The following CRYBG1 variants were observed in gnomAD, a reference collection of about 807,000 sequenced individuals.
The protein encoded by CRYBG1 is crystallin beta-gamma domain containing 1.
In CRYBG1, 139 loss-of-function variants were observed where a neutral mutation model predicts 189.2. The ratio of observed to expected loss-of-function variants is 0.73; its 90% confidence interval spans 0.64 to 0.85. The LOEUF is 0.85. Ranked by LOEUF, CRYBG1 falls within the 40% of genes least tolerant of loss-of-function variation. The pLI, the probability that CRYBG1 is intolerant of heterozygous loss-of-function variation, is 0.00. For missense variants in CRYBG1, 2,611 were observed against 2,675.8 expected (o/e 0.98, Z 0.53); for synonymous variants, 1,023 against 1,017.1 (o/e 1.01, Z -0.11).
intron 2 of CRYBG1, among the ~76,000 whole-genome samples, chr6:106,466,506 A>G (rs1319153745): frequency 6.6e-6 from 1 of 152,198 alleles, no homozygotes; most frequent in African/African-American, 2.4e-5. Context: ...TTCTTCTTTC[A>G]GCAAAAATGG....
chr6:106,551,025 G>A (rs1009615643), intron 13 of CRYBG1, among the ~76,000 whole-genome samples: 1 of 152,118 alleles, frequency 6.6e-6, no homozygotes, highest in African/African-American at 2.4e-5. Flanking sequence ...GGGTACATGT[G>A]CAGGTTTGTT....
Position 106,419,243 on chromosome 6 carries a change from G to T in CRYBG1, c.174-32451G>T, listed in dbSNP as rs560656613. On this transcript the variant is annotated intron_variant, in intron 1 of 21. Transcript: ENST00000633556. ...GGCTGCTCTTTGTTAGAAAAGAAAT[G>T]ATTTGGAGGCTGCTTTTCATTAAAA... 3.9e-5 allele frequency among the ~76,000 whole-genome samples: 6 copies of T among 152,330 alleles called. No homozygotes were observed. In the East Asian group the frequency reaches 9.6e-4, roughly 24 times the overall value.
intron 1 of CRYBG1, among the ~76,000 whole-genome samples, chr6:106,377,619 TTTTATA>T (rs772669532): frequency 0.27 from 32,845 of 122,212 alleles, 4,682 homozygotes; most frequent in Middle Eastern, 0.39. Context: ...AGTCCTAAGG[TTTTATA>T]TATATATATA....
At chr6:106,367,054 A>C (rs1772014483) in intron 1 of CRYBG1, among the ~76,000 whole-genome samples, 1 of 152,202 alleles carries the variant, frequency 6.6e-6, no homozygotes, top group South Asian at 2.1e-4. Flanking sequence ...CCAAGGCTAA[A>C]CTTTCTACTT....
Position 106,519,644 on chromosome 6 carries a change from C to T in CRYBG1, c.2436C>T (p.Leu812=), listed in dbSNP as rs1582813705. 6 of 1,614,012 alleles carry T rather than the reference C, an allele frequency of 3.7e-6. No individual in the cohort carries two copies. The East Asian group carries it at 1.1e-4, about 30-fold the overall frequency. Residue 812 remains leucine, a synonymous_variant, in exon 4 of 22, where the codon CTC becomes CTT. Transcript: ENST00000633556. ...SALIPVKDHK[L]LEKEDSEAAD... is the part of the protein sequence containing the mutation. ...TGATTCCTGTCAAGGATCATAAGCT[C>T]TTAGAGAAGGAGGACTCAGAGGCTG...
chr6:106,488,039 C>T (rs967116151), intron 2 of CRYBG1, among the ~76,000 whole-genome samples: 2 of 152,076 alleles, frequency 1.3e-5, no homozygotes, highest in African/African-American at 4.8e-5. Context: ...TGAGTAGACT[C>T]AGTAGTGTGG....
At position 106,512,197 on chromosome 6, in the gene CRYBG1, A is replaced by G. The variant is rs528778993; in HGVS notation, c.1080A>G (p.Ala360=). ...GAAHTASSAQ[A]DCTARPKGHA... is the part of the protein sequence containing the mutation. ...CGCACACGGCCAGCTCCGCGCAGGC[A>G]GACTGCACAGCCCGCCCCAAGGGTC... is the stretch of plus-strand genomic sequence containing the variant. The change falls in exon 3 of 22, where the codon GCA becomes GCG. Residue 360 remains alanine, a synonymous_variant. Coordinates refer to ENST00000633556, the MANE Select transcript of CRYBG1 (RefSeq NM_001371242.2). The G allele has an allele frequency of 3.9e-4, 604 of 1,535,850 alleles. 1 individual carries two copies. The African/African-American group carries it at 7.3e-3, about 18-fold the overall frequency.
chr6:106,433,818 TA>T (rs1454092803), intron 1 of CRYBG1, among the ~76,000 whole-genome samples: 2 of 146,632 alleles, frequency 1.4e-5, no homozygotes, highest in Admixed American at 6.9e-5. Context: ...CATACATAAA[TA>T]TATATATGCA....
chr6:106,553,019 A>G (rs999880002), intron 15 of CRYBG1, among the ~76,000 whole-genome samples: 6 of 152,232 alleles, frequency 3.9e-5, no homozygotes, highest in Admixed American at 3.3e-4. Context: ...AAACACCACT[A>G]TAGCCTCCTT....
intron 1 of CRYBG1, among the ~76,000 whole-genome samples, chr6:106,375,425 A>G (rs3047177): frequency 0.33 from 39,683 of 119,416 alleles, 5,891 homozygotes; most frequent in Admixed American, 0.38. Flanking sequence ...AAGTAAGTAA[A>G]TAAATAAATA....
intron 3 of CRYBG1, 150 bp from the exon 4 acceptor site, chr6:106,518,981 A>ACG: frequency 1.8e-6 from 1 of 563,658 alleles, no homozygotes; most frequent in South Asian, 3.1e-5. Flanking sequence ...GTGCGCACAC[A>ACG]CACACACACA....
chr6:106,404,615 C>T (rs574281073), intron 1 of CRYBG1, among the ~76,000 whole-genome samples: 11 of 151,282 alleles, frequency 7.3e-5, no homozygotes, highest in Non-Finnish European at 1.0e-4. Flanking sequence ...GGAACAGCTC[C>T]GGTCTGCAGC....
intron 16 of CRYBG1, 75 bp from the exon 17 acceptor site, chr6:106,555,693 C>G: frequency 6.5e-7 from 1 of 1,539,296 alleles, no homozygotes; most frequent in South Asian, 1.2e-5. Flanking sequence ...CAGGCCACCT[C>G]TAAAAATCAG....
rs539748261 is a variant in CRYBG1, at chr6:106,494,224, G to A, written c.313-17206G>A. Among the ~76,000 whole-genome samples, 358 of 152,136 alleles carry A rather than the reference G, an allele frequency of 2.4e-3. 1 individual carries two copies. Among genetic ancestry groups the A allele is most frequent in the Non-Finnish European group, 3.8e-3 (258 of 67,992 alleles). ...TTGTGGTTGCCAGAGGCTGGGGGTGGCAGGGGGTGGGCAGAGGAGAATGGG... is the reference window on the plus strand; with the variant it reads ...TTGTGGTTGCCAGAGGCTGGGGGTGACAGGGGGTGGGCAGAGGAGAATGGG... On this transcript the variant is annotated intron_variant, in intron 2 of 21. Transcript: ENST00000633556.
At chr6:106,407,053 T>C (rs949724016) in intron 1 of CRYBG1, among the ~76,000 whole-genome samples, 9 of 152,164 alleles carry the variant, frequency 5.9e-5, no homozygotes, top group African/African-American at 2.2e-4. Flanking sequence ...TAAATGTAAA[T>C]GGCCTAAGTG....
chr6:106,420,310 T>G, intron 1 of CRYBG1, among the ~76,000 whole-genome samples: 1 of 152,202 alleles, frequency 6.6e-6, no homozygotes, highest in East Asian at 1.9e-4. Context: ...GAGAGGGTCA[T>G]AAGGCAGATG....
chr6:106,474,228 G>A (rs974572547), intron 2 of CRYBG1, among the ~76,000 whole-genome samples: 2 of 152,178 alleles, frequency 1.3e-5, no homozygotes, highest in African/African-American at 4.8e-5. Context: ...ATGGTGGTGT[G>A]TGCTATTCAG....
chr6:106,479,343 A>G (rs1259441564), intron 2 of CRYBG1, among the ~76,000 whole-genome samples: 1 of 152,238 alleles, frequency 6.6e-6, no homozygotes, highest in Non-Finnish European at 1.5e-5. Flanking sequence ...CACAACCCTC[A>G]TGACCTATTC....
chr6:106,447,337 A>G (rs947970837), intron 1 of CRYBG1, among the ~76,000 whole-genome samples: 1 of 152,180 alleles, frequency 6.6e-6, no homozygotes, highest in African/African-American at 2.4e-5. Context: ...TTTGGGTACA[A>G]AAATAATAGA....
Sources: allele counts gnomAD v4.1 joint callset (sites outside exome capture counted in the v4.1 genomes callset), GRCh38; gene constraint gnomAD v4.1.1; transcripts MANE v1.5; gene names NCBI Gene and HGNC (gene_info 2026-07-23, HGNC 2026-07-21).